The following APBA1 variants were observed in gnomAD, a reference collection of about 807,000 sequenced individuals.
APBA1 encodes amyloid-beta A4 precursor protein-binding family A member 1.
Under a neutral mutation model 86.6 loss-of-function variants are expected in APBA1, and 55 were observed. The ratio of observed to expected loss-of-function variants is 0.64; its 90% CI spans 0.51 to 0.80. The LOEUF (loss-of-function observed/expected upper bound fraction) is 0.80. APBA1 is among the 30% of genes least tolerant of loss of function. The pLI, the probability that APBA1 is intolerant of heterozygous loss-of-function variation, is 0.00. For synonymous variants in APBA1, 511 were observed against 493.9 expected, an observed-to-expected ratio of 1.03 and a Z score of -0.46; for missense variants, 1,090 against 1,183.0, an observed-to-expected ratio of 0.92 and a Z score of 1.15.
intron 1 of APBA1, among the ~76,000 whole-genome samples, chr9:69,628,115 G>A (rs1822968974): frequency 1.3e-5 from 2 of 152,126 alleles, no homozygotes; most frequent in African/African-American, 2.4e-5. Flanking sequence ...GGCTTGATGA[G>A]GTAAGCAGCC....
At chr9:69,641,311 T>C (rs962251959) in intron 1 of APBA1, among the ~76,000 whole-genome samples, 1 of 152,210 alleles carries the variant, frequency 6.6e-6, no homozygotes, top group African/African-American at 2.4e-5. Flanking sequence ...TTCAGTATTA[T>C]TAAGGCATCA....
chr9:69,587,234 ATGGG>A (rs575816312), intron 1 of APBA1, among the ~76,000 whole-genome samples: 109 of 152,340 alleles, frequency 7.2e-4, no homozygotes, highest in Admixed American at 6.9e-3. Context: ...AAGGTAATCA[ATGGG>A]TCACATTCCT....
chr9:69,439,272 C>T (rs1320400551), intron 11 of APBA1, among the ~76,000 whole-genome samples: 6 of 139,648 alleles, frequency 4.3e-5, no homozygotes, highest in African/African-American at 1.1e-4. Flanking sequence ...GTTCTCTTCT[C>T]GAGGAGTATC....
At chr9:69,434,546 A>ACGTGCCTC (rs1834664353) in intron 11 of APBA1, among the ~76,000 whole-genome samples, 1 of 152,128 alleles carries the variant, frequency 6.6e-6, no homozygotes, top group Admixed American at 6.5e-5. Context: ...GCCTCTACTA[A>ACGTGCCTC]AAATACAAAA....
At chr9:69,533,334 C>T (rs568447551) in intron 1 of APBA1, among the ~76,000 whole-genome samples, 4 of 152,126 alleles carry the variant, frequency 2.6e-5, no homozygotes, top group South Asian at 2.1e-4. Context: ...TTGTACATTA[C>T]GATGTTTGAA....
At chr9:69,534,212 T>A (rs1461762528) in intron 1 of APBA1, among the ~76,000 whole-genome samples, 1 of 152,246 alleles carries the variant, frequency 6.6e-6, no homozygotes, top group Admixed American at 6.5e-5. Context: ...CTGCCATTTA[T>A]ATATGGCTAT....
At chr9:69,572,968 G>C (rs899748307) in intron 1 of APBA1, among the ~76,000 whole-genome samples, 11 of 152,186 alleles carry the variant, frequency 7.2e-5, no homozygotes, top group Admixed American at 6.5e-4. Flanking sequence ...GGTATTTATA[G>C]AGACCATCCC....
chr9:69,445,450 C>T (rs768822347), intron 10 of APBA1, among the ~76,000 whole-genome samples: 6 of 152,022 alleles, frequency 3.9e-5, no homozygotes, highest in South Asian at 2.1e-4. Flanking sequence ...AACAGTGGAA[C>T]GGTACAGCAA....
At chr9:69,670,700 C>G (rs558247852) in intron 1 of APBA1, among the ~76,000 whole-genome samples, 1 of 152,258 alleles carries the variant, frequency 6.6e-6, no homozygotes, top group South Asian at 2.1e-4. Context: ...GCCATAGACT[C>G]TGGATGCATT....
intron 1 of APBA1, among the ~76,000 whole-genome samples, chr9:69,654,380 G>A (rs879928372): frequency 1.1e-4 from 17 of 151,942 alleles, no homozygotes; most frequent in Admixed American, 8.5e-4. Flanking sequence ...TGGGAGGATC[G>A]CTTGAGACCA....
intron 2 of APBA1, among the ~76,000 whole-genome samples, chr9:69,505,635 G>A (rs1026063806): frequency 6.6e-6 from 1 of 152,098 alleles, no homozygotes; most frequent in African/African-American, 2.4e-5. Context: ...CTGTGTGCTT[G>A]CTAACATCAA....
intron 1 of APBA1, among the ~76,000 whole-genome samples, chr9:69,536,031 G>A (rs1024403027): frequency 9.5e-5 from 11 of 115,440 alleles, no homozygotes; most frequent in African/African-American, 3.7e-4. Context: ...TTAGGTAGAT[G>A]GCGTGCAGTT....
chr9:69,579,299 A>G (rs1351921963), intron 1 of APBA1, among the ~76,000 whole-genome samples: 3 of 152,174 alleles, frequency 2.0e-5, no homozygotes. Context: ...TTTCCCCCTA[A>G]GAATGTTGCT....
At chr9:69,483,088 G>A (rs1332535568) in intron 2 of APBA1, among the ~76,000 whole-genome samples, 1 of 147,150 alleles carries the variant, frequency 6.8e-6, no homozygotes, top group Non-Finnish European at 1.5e-5. Flanking sequence ...CCTGCACAAT[G>A]TGCACATGTA....
chr9:69,559,787 T>C (rs1190452859), intron 1 of APBA1, among the ~76,000 whole-genome samples: 2 of 152,246 alleles, frequency 1.3e-5, no homozygotes, highest in Non-Finnish European at 2.9e-5. Context: ...AAATGTTCTA[T>C]TCATCTTTAG....
chr9:69,636,764 A>G lies in APBA1; in HGVS notation c.-70+35389T>C, dbSNP rs528464041. 5.7e-5 allele frequency among the ~76,000 whole-genome samples: 8 copies of G among 140,854 alleles called. No individual in the cohort carries two copies. The East Asian group carries it at 1.5e-3, about 27-fold the overall frequency. The allele number at this position is 140,854 out of a possible 152,430, so 92.4% of individuals were successfully genotyped here. On this transcript the variant is annotated intron_variant, in intron 1 of 12. Coordinates refer to ENST00000265381, the MANE Select transcript of APBA1 (RefSeq NM_001163.4). The stretch of plus-strand genomic sequence containing the variant: ...GAGCCATGATGGCACCACTGCACCC[A>G]AGCCTGGGTGACAGAGTGAGAGCCT...
At chr9:69,538,549 C>G (rs574739905) in intron 1 of APBA1, among the ~76,000 whole-genome samples, 72 of 152,310 alleles carry the variant, frequency 4.7e-4, no homozygotes, top group African/African-American at 1.7e-3. Context: ...TCCCCAACTT[C>G]CTTTCCTATA....
At chr9:69,449,857 G>A in intron 9 of APBA1, 61 bp from the exon 10 acceptor site, 1 of 1,459,354 alleles carries the variant, frequency 6.9e-7, no homozygotes, top group Non-Finnish European at 9.4e-7. Flanking sequence ...AGGTAGAAAT[G>A]AAAGCCTCTC....
chr9:69,476,761 T>C (rs1835454086), intron 2 of APBA1, among the ~76,000 whole-genome samples: 2 of 152,142 alleles, frequency 1.3e-5, no homozygotes, highest in East Asian at 1.9e-4. Flanking sequence ...CAAAAATCCT[T>C]TGTCAAACGG....
Sources: gnomAD v4.1 joint callset for allele counts (sites outside exome capture counted in the v4.1 genomes callset) on GRCh38, gnomAD v4.1.1 for gene constraint, MANE v1.5 for transcripts, NCBI Gene and HGNC (gene_info 2026-07-23, HGNC 2026-07-21) for gene names.